ZNF536: variants seen among roughly 807,000 people sequenced by gnomAD.
ZNF536 encodes zinc finger protein 536.
ZNF536 carries 13 observed loss-of-function variants against 84.5 expected under a neutral mutation model. The observed-to-expected ratio is 0.15, with a 90% confidence interval of 0.10 to 0.24. The LOEUF (loss-of-function observed/expected upper bound fraction) is 0.24, where lower values mean the gene tolerates loss of function less well. Among genes scored for constraint, ZNF536 ranks in the 10% least tolerant of loss-of-function variants. The pLI is 1.00. For missense variants in ZNF536, 1,536 were observed against 1,747.5 expected (o/e 0.88, Z 2.16); for synonymous variants, 811 against 742.5 (o/e 1.09, Z -1.50).
chr19:30,549,217 G>A lies in ZNF536; in HGVS notation c.3598G>A (p.Asp1200Asn), dbSNP rs1419816095. Residue 1200 changes from aspartate (D) to asparagine (N), a missense_variant, in exon 4 of 5, where the codon GAC (aspartate) becomes AAC (asparagine). By Grantham distance (23) the Asp-to-Asn change is conservative. Coordinates refer to ENST00000355537, the MANE Select transcript of ZNF536 (RefSeq NM_014717.3). ...MTKPLSALSKDSSSDGGDSLQ... is the reference protein window; with the variant it reads ...MTKPLSALSKNSSSDGGDSLQ... ...CAAGCCACTGTCTGCCCTCAGCAAA[G>A]ACAGCAGCAGCGATGGCGGGGACAG... The A allele has an allele frequency of 5.6e-6, 9 of 1,614,090 alleles. No individual in the cohort carries two copies. In the East Asian group the frequency reaches 8.9e-5, roughly 16 times the overall value.
chr19:30,333,195 A>AAAT (rs2047271430), intron 2 of ZNF536, among the ~76,000 whole-genome samples: 1 of 152,194 alleles, frequency 6.6e-6, no homozygotes, highest in Admixed American at 6.5e-5. Context: ...ATAAATAAAT[A>AAAT]AGGAAATAAT....
chr19:30,491,882 T>G (rs1296533363), intron 2 of ZNF536, among the ~76,000 whole-genome samples: 1 of 152,124 alleles, frequency 6.6e-6, no homozygotes, highest in Admixed American at 6.5e-5. Context: ...ACGTTACTCC[T>G]GATAAAATCC....
chr19:30,497,843 C>T (rs1230837958), intron 2 of ZNF536, among the ~76,000 whole-genome samples: 1 of 152,076 alleles, frequency 6.6e-6, no homozygotes, highest in Non-Finnish European at 1.5e-5. Flanking sequence ...GCCTGTAAGA[C>T]CCAAGCAGGA....
chr19:30,666,394 C>G (rs1450893723), intron 1 of ZNF536, among the ~76,000 whole-genome samples: 4 of 152,152 alleles, frequency 2.6e-5, no homozygotes, highest in Non-Finnish European at 5.9e-5. Flanking sequence ...CCTTTCCCTG[C>G]CTCCTCCCTC....
chr19:30,383,800 TTC>T (rs1475166581), intron 1 of ZNF536, among the ~76,000 whole-genome samples: 9 of 147,912 alleles, frequency 6.1e-5, no homozygotes, highest in Non-Finnish European at 1.5e-5. Context: ...TTTCTTTCTT[TTC>T]TCTTTCTTTC....
intron 1 of ZNF536, among the ~76,000 whole-genome samples, chr19:30,629,754 C>G (rs1408321188): frequency 6.6e-6 from 1 of 152,204 alleles, no homozygotes. Context: ...TCCTCTGGCT[C>G]CCCTATGCCG....
chr19:30,657,792 C>T (rs1232209451), intron 1 of ZNF536, among the ~76,000 whole-genome samples: 2 of 152,188 alleles, frequency 1.3e-5, no homozygotes, highest in African/African-American at 4.8e-5. Flanking sequence ...CTCTCCAGTC[C>T]ACCAGAAAGA....
intron 2 of ZNF536, among the ~76,000 whole-genome samples, chr19:30,325,138 G>C (rs990845770): frequency 6.6e-6 from 1 of 152,222 alleles, no homozygotes; most frequent in Admixed American, 6.5e-5. Flanking sequence ...GGCTGGAAAG[G>C]GCTTTGTGGA....
chr19:30,232,198 G>A (rs1018872643), intron 1 of ZNF536, among the ~76,000 whole-genome samples: 2 of 152,202 alleles, frequency 1.3e-5, no homozygotes, highest in African/African-American at 4.8e-5. Flanking sequence ...GGCTCCTGTT[G>A]ACTGTGCCTG....
At chr19:30,457,056 A>G (rs989812549) in intron 2 of ZNF536, among the ~76,000 whole-genome samples, 4 of 150,640 alleles carry the variant, frequency 2.7e-5, no homozygotes, top group African/African-American at 4.9e-5. Flanking sequence ...AAAAAAAAAA[A>G]CAAAAAAAAA....
At chr19:30,459,240 T>C (rs888805043) in intron 2 of ZNF536, among the ~76,000 whole-genome samples, 1 of 151,964 alleles carries the variant, frequency 6.6e-6, no homozygotes, top group Non-Finnish European at 1.5e-5. Flanking sequence ...ATTTTCATTT[T>C]TTTTTTTTTT....
chr19:30,670,972 G>A (rs2050529489), intron 1 of ZNF536, among the ~76,000 whole-genome samples: 1 of 152,002 alleles, frequency 6.6e-6, no homozygotes, highest in African/African-American at 2.4e-5. Context: ...CCCATCCCTA[G>A]GGCCCAGCCT....
chr19:30,601,803 C>A (rs2047696277), intron 1 of ZNF536, among the ~76,000 whole-genome samples: 1 of 152,176 alleles, frequency 6.6e-6, no homozygotes, highest in Admixed American at 6.5e-5. Context: ...CTCTCCCAAG[C>A]CCTGCAGTTT....
At chr19:30,304,551 G>A (rs989263969) in intron 2 of ZNF536, among the ~76,000 whole-genome samples, 5 of 152,176 alleles carry the variant, frequency 3.3e-5, no homozygotes, top group African/African-American at 4.8e-5. Flanking sequence ...GGACCTCTGC[G>A]GGGGCCAACC....
chr19:30,326,944 C>CA, intron 2 of ZNF536, among the ~76,000 whole-genome samples: 1 of 151,298 alleles, frequency 6.6e-6, no homozygotes, highest in Non-Finnish European at 1.5e-5. Flanking sequence ...ACCATCTCTA[C>CA]AAAAAATTAA....
chr19:30,621,944 G>GGTCCCC (rs2048498788), intron 1 of ZNF536, among the ~76,000 whole-genome samples: 2 of 152,350 alleles, frequency 1.3e-5, no homozygotes, highest in East Asian at 3.9e-4. Context: ...CAGACAGCGT[G>GGTCCCC]CAGTGCCCTT....
At chr19:30,502,827 CT>C (rs2055005598) in intron 2 of ZNF536, among the ~76,000 whole-genome samples, 1 of 152,122 alleles carries the variant, frequency 6.6e-6, no homozygotes, top group African/African-American at 2.4e-5. Flanking sequence ...CTGCTGCCCC[CT>C]GTCCCATTTA....
intron 1 of ZNF536, among the ~76,000 whole-genome samples, chr19:30,417,515 T>A (rs2050784304): frequency 6.6e-6 from 1 of 152,186 alleles, no homozygotes; most frequent in Non-Finnish European, 1.5e-5. Context: ...AATTTCGACT[T>A]TCTGGGTTTT....
chr19:30,499,864 G>C (rs948798892), intron 2 of ZNF536, among the ~76,000 whole-genome samples: 9 of 152,106 alleles, frequency 5.9e-5, no homozygotes, highest in African/African-American at 1.9e-4. Flanking sequence ...GTGGCTGCAT[G>C]GGTCAGGGGC....
Sources: allele counts gnomAD v4.1 joint callset (sites outside exome capture counted in the v4.1 genomes callset), GRCh38; gene constraint gnomAD v4.1.1; transcripts MANE v1.5; gene names NCBI Gene and HGNC (gene_info 2026-07-23, HGNC 2026-07-21).